Variants in FOCAD observed in about 807,000 individuals in gnomAD.
The protein encoded by FOCAD is focadhesin.
Under a neutral mutation model 225.6 loss-of-function variants are expected in FOCAD, and 198 were observed. That is an observed-to-expected ratio of 0.88 (90% CI 0.78 to 0.99). The LOEUF (loss-of-function observed/expected upper bound fraction) is 0.99. FOCAD is among the 50% of genes least tolerant of loss of function. FOCAD has a pLI of 0.00. For synonymous variants in FOCAD, 897 were observed against 755.0 expected, an observed-to-expected ratio of 1.19 and a Z score of -3.08; for missense variants, 2,713 against 2,123.6, an observed-to-expected ratio of 1.28 and a Z score of -5.46.
At chr9:20,668,938 T>C (rs1005723614) in intron 2 of FOCAD, among the ~76,000 whole-genome samples, 1 of 152,194 alleles carries the variant, frequency 6.6e-6, no homozygotes, top group Admixed American at 6.5e-5. Flanking sequence ...GGTTCACGGT[T>C]AGCCTCCCCA....
At chr9:20,932,905 G>T in intron 27 of FOCAD, 109 bp from the exon 28 acceptor site, 4 of 752,140 alleles carry the variant, frequency 5.3e-6, no homozygotes, top group Non-Finnish European at 8.7e-6. Flanking sequence ...TTTTTTAAGA[G>T]AAATGCTGGT....
chr9:20,832,492 A>G (rs1192521961), intron 15 of FOCAD, among the ~76,000 whole-genome samples: 1 of 152,072 alleles, frequency 6.6e-6, no homozygotes, highest in Non-Finnish European at 1.5e-5. Context: ...AAATAAGTAC[A>G]TCATGGAGAA....
intron 24 of FOCAD, among the ~76,000 whole-genome samples, chr9:20,921,893 T>C (rs1346982416): frequency 3.3e-5 from 5 of 152,194 alleles, no homozygotes; most frequent in Non-Finnish European, 2.9e-5. Flanking sequence ...ATTTGTTTTA[T>C]GACTTTTGAT....
intron 33 of FOCAD, 71 bp downstream of exon 33, chr9:20,949,746 G>A (rs1240944453): frequency 4.0e-6 from 5 of 1,250,110 alleles, no homozygotes; most frequent in Non-Finnish European, 5.8e-6. Flanking sequence ...TCTATTACAT[G>A]ATACAACATG....
rs555003879 is a variant in FOCAD at position 20,716,343 on chromosome 9, T to A, written c.57+933T>A. Reference sequence around the variant, plus strand: ...ACTGTTAAATTAGGTGAAAAAAATATATATATATATTTATATTGTTTAGTG... The same window carrying A: ...ACTGTTAAATTAGGTGAAAAAAATAAATATATATATTTATATTGTTTAGTG... On this transcript the variant is annotated intron_variant, in intron 2 of 43. Coordinates refer to ENST00000338382, the MANE Select transcript of FOCAD (RefSeq NM_001375567.1). 2.8e-4 allele frequency among the ~76,000 whole-genome samples: 42 copies of A among 152,128 alleles called. 1 individual carries two copies. Among genetic ancestry groups the A allele is most frequent in the African/African-American group, 8.7e-4 (36 of 41,502 alleles).
chr9:20,710,875 A>T (rs1175956079), intron 1 of FOCAD, among the ~76,000 whole-genome samples: 1 of 152,220 alleles, frequency 6.6e-6, no homozygotes, highest in Admixed American at 6.5e-5. Flanking sequence ...AATTTTGTAA[A>T]TTAATTTAAA....
intron 2 of FOCAD, among the ~76,000 whole-genome samples, chr9:20,668,206 A>G (rs1481423811): frequency 2.0e-5 from 3 of 152,172 alleles, no homozygotes; most frequent in African/African-American, 7.2e-5. Context: ...TCTATTTGAG[A>G]GTTCATTGCT....
At chr9:20,815,702 A>G (rs183333616) in intron 11 of FOCAD, among the ~76,000 whole-genome samples, 4 of 152,216 alleles carry the variant, frequency 2.6e-5, no homozygotes, top group Admixed American at 2.0e-4. Context: ...ATTGAGTTAT[A>G]TGAAGCCAGA....
rs370020348 is a variant in FOCAD, at chr9:20,789,621, A to G, written c.1455+13A>G. ...AGATTCCTCCCAGGTAAAGCAAGAG[A>G]ATAATGGAACAATAATGAGAGGAAA... On this transcript the variant is annotated intron_variant, in intron 11 of 43. Transcript: ENST00000338382. The G allele has an allele frequency of 1.1e-5, 17 of 1,613,066 alleles. No homozygotes were observed. Among genetic ancestry groups the G allele is most frequent in the Non-Finnish European group, 1.4e-5 (17 of 1,179,198 alleles).
At chr9:20,703,335 CG>C (rs1485620861) in intron 1 of FOCAD, among the ~76,000 whole-genome samples, 1 of 151,948 alleles carries the variant, frequency 6.6e-6, no homozygotes, top group Non-Finnish European at 1.5e-5. Flanking sequence ...GTGTGGTTGT[CG>C]GGGTGGTTTA....
chr9:20,983,768 T>A (rs1352139991), intron 39 of FOCAD, among the ~76,000 whole-genome samples: 1 of 152,094 alleles, frequency 6.6e-6, no homozygotes, highest in Non-Finnish European at 1.5e-5. Flanking sequence ...TCAGTTCCCT[T>A]ATCTGTAAAG....
At chr9:20,980,219 T>A (rs986187389) in intron 37 of FOCAD, among the ~76,000 whole-genome samples, 3 of 152,054 alleles carry the variant, frequency 2.0e-5, no homozygotes, top group African/African-American at 7.2e-5. Flanking sequence ...GTTTCATGTC[T>A]GAGAGATACA....
intron 31 of FOCAD, 41 bp from the exon 32 acceptor site, chr9:20,948,810 G>C (rs373241596): frequency 2.0e-5 from 32 of 1,601,164 alleles, no homozygotes; most frequent in Non-Finnish European, 2.6e-5. Context: ...TAAACCCAAG[G>C]ACTGATTCCC....
In FOCAD at chr9:20,926,590, C is replaced by T. The variant is rs79156244; in HGVS notation, c.3078+173C>T. Reference sequence around the variant, plus strand: ...CCTGAGGTTGGGAGTTCGAGACCAGCCTGACCAACATGGAGAAACCGCATC... The same window carrying T: ...CCTGAGGTTGGGAGTTCGAGACCAGTCTGACCAACATGGAGAAACCGCATC... On this transcript the variant is annotated intron_variant, in intron 26 of 43. Coordinates refer to ENST00000338382, the MANE Select transcript of FOCAD (RefSeq NM_001375567.1). Among the ~76,000 whole-genome samples, 22 of 152,150 alleles carry T rather than the reference C, an allele frequency of 1.4e-4. No homozygotes were observed. In the East Asian group the frequency reaches 3.9e-3, roughly 27 times the overall value.
chr9:20,703,953 C>T (rs947254087), intron 1 of FOCAD, among the ~76,000 whole-genome samples: 1 of 152,192 alleles, frequency 6.6e-6, no homozygotes, highest in Admixed American at 6.5e-5. Context: ...CCTTTAGCCC[C>T]CAAAGGGGGC....
chr9:20,906,631 G>T (rs1027666998), intron 21 of FOCAD, among the ~76,000 whole-genome samples: 4 of 152,012 alleles, frequency 2.6e-5, no homozygotes, highest in African/African-American at 9.7e-5. Flanking sequence ...ATCTAGTGGT[G>T]TGCACAATTG....
chr9:20,682,930 C>T (rs926303883), upstream of FOCAD, among the ~76,000 whole-genome samples: 1 of 152,152 alleles, frequency 6.6e-6, no homozygotes, highest in African/African-American at 2.4e-5. Context: ...CGCGCAACCC[C>T]ACGCCGGGCT....
intron 4 of FOCAD, among the ~76,000 whole-genome samples, chr9:20,731,060 A>AC (rs1826645560): frequency 6.6e-6 from 1 of 152,060 alleles, no homozygotes; most frequent in Non-Finnish European, 1.5e-5. Context: ...ACATGGCAAA[A>AC]CCCCATCTCT....
rs776761727 is a variant in FOCAD at position 20,820,352 on chromosome 9, T to C, written c.1589T>C (p.Ile530Thr). Residue 530 changes from isoleucine to threonine, a missense_variant, in exon 13 of 44, where the codon ATA becomes ACA. By Grantham distance (89) the Ile-to-Thr change is moderately conservative (BLOSUM62 -1). Coordinates refer to ENST00000338382, the MANE Select transcript of FOCAD (RefSeq NM_001375567.1). The stretch of plus-strand genomic sequence containing the variant: ...TGTATAGGACAAATTCTACGAATAA[T>C]ACAACTACTTGGAACCACACCACGA... ...KVCIGQILRIIQLLGTTPRLR... is the reference protein window; with the variant it reads ...KVCIGQILRITQLLGTTPRLR... 4 of 1,612,696 alleles carry C rather than the reference T, an allele frequency of 2.5e-6. No individual in the cohort carries two copies. Among genetic ancestry groups the C allele is most frequent in the Admixed American group, 3.3e-5 (2 of 59,858 alleles).
Sources: allele counts gnomAD v4.1 joint callset (sites outside exome capture counted in the v4.1 genomes callset), GRCh38; gene constraint gnomAD v4.1.1; transcripts MANE v1.5; gene names NCBI Gene and HGNC (gene_info 2026-07-23, HGNC 2026-07-21).